UBE2K: variants seen among roughly 807,000 people sequenced by gnomAD.
UBE2K encodes the protein ubiquitin-conjugating enzyme E2 K.
UBE2K carries 6 observed loss-of-function variants against 30.0 expected under a neutral mutation model. The observed-to-expected ratio is 0.20, with a 90% CI of 0.11 to 0.39. UBE2K has a LOEUF of 0.39. UBE2K is among the 10% of genes least tolerant of loss of function. The probability of loss-of-function intolerance (pLI) is 1.00; values close to 1 mark genes in which losing one functional copy is unlikely to be tolerated. For missense variants in UBE2K, 61 were observed against 241.6 expected, an observed-to-expected ratio of 0.25 and a Z score of 4.96; for synonymous variants, 86 against 83.7, an observed-to-expected ratio of 1.03 and a Z score of -0.15.
intron 1 of UBE2K, among the ~76,000 whole-genome samples, chr4:39,719,846 G>C (rs1370950976): frequency 6.6e-6 from 1 of 152,158 alleles, no homozygotes; most frequent in Non-Finnish European, 1.5e-5. Flanking sequence ...TAGACATTCA[G>C]TTATTTCCAG....
At chr4:39,760,195 G>GAAA (rs71194914) in intron 4 of UBE2K, among the ~76,000 whole-genome samples, 2 of 102,602 alleles carry the variant, frequency 1.9e-5, no homozygotes, top group African/African-American at 3.9e-5. Context: ...AAAAAAAACA[G>GAAA]AAAAAAAAAA....
chr4:39,759,842 G>A (rs140646841), intron 4 of UBE2K, among the ~76,000 whole-genome samples: 18 of 152,206 alleles, frequency 1.2e-4, no homozygotes, highest in African/African-American at 4.3e-4. Context: ...ACTACTACAT[G>A]CCTGTAAACA....
intron 2 of UBE2K, among the ~76,000 whole-genome samples, chr4:39,742,028 A>G (rs1167187790): frequency 6.6e-6 from 1 of 152,140 alleles, no homozygotes; most frequent in Non-Finnish European, 1.5e-5. Flanking sequence ...AGCGTGTAAC[A>G]TAAGGGATAG....
At chr4:39,761,958 G>A (rs1016571798) in intron 4 of UBE2K, among the ~76,000 whole-genome samples, 2 of 151,766 alleles carry the variant, frequency 1.3e-5, no homozygotes, top group Non-Finnish European at 2.9e-5. Flanking sequence ...GGTGGATCAC[G>A]AGGTTGGGAG....
intron 1 of UBE2K, among the ~76,000 whole-genome samples, chr4:39,725,104 G>T (rs1014701402): frequency 1.3e-5 from 2 of 152,064 alleles, no homozygotes; most frequent in Non-Finnish European, 2.9e-5. Context: ...TTCGTGGCCA[G>T]GCATGGTGGC....
chr4:39,746,086 G>T (rs2109361184), intron 3 of UBE2K, among the ~76,000 whole-genome samples: 1 of 152,056 alleles, frequency 6.6e-6, no homozygotes, highest in South Asian at 2.1e-4. Context: ...GAAATACGTG[G>T]CAGTGTTCCC....
At chr4:39,768,593 G>A (rs1712512845) in intron 4 of UBE2K, among the ~76,000 whole-genome samples, 1 of 152,072 alleles carries the variant, frequency 6.6e-6, no homozygotes. Context: ...TCTTGCCCAG[G>A]CTGGTCTCAA....
intron 1 of UBE2K, 82 bp downstream of exon 1, chr4:39,698,472 A>G: frequency 3.0e-6 from 4 of 1,352,868 alleles, no homozygotes; most frequent in Non-Finnish European, 4.1e-6. Flanking sequence ...TATCCCCGGT[A>G]GTCCCTGGGT....
chr4:39,743,949 A>G (rs189541078), intron 2 of UBE2K, among the ~76,000 whole-genome samples: 2 of 151,970 alleles, frequency 1.3e-5, no homozygotes, highest in African/African-American at 4.8e-5. Context: ...TGCAATATCC[A>G]CCTCCTGGGT....
At chr4:39,765,410 G>T (rs1282765419) in intron 4 of UBE2K, among the ~76,000 whole-genome samples, 1 of 152,088 alleles carries the variant, frequency 6.6e-6, no homozygotes, top group Non-Finnish European at 1.5e-5. Flanking sequence ...TGTAGTCCCA[G>T]CTACTTGGGA....
At chr4:39,740,348 G>A (rs547534434) in intron 2 of UBE2K, among the ~76,000 whole-genome samples, 1 of 152,024 alleles carries the variant, frequency 6.6e-6, no homozygotes, top group South Asian at 2.1e-4. Context: ...TTTTTAATTG[G>A]ATAATGTATA....
chr4:39,775,745 C>T (rs1713246111), intron 5 of UBE2K, among the ~76,000 whole-genome samples: 1 of 152,142 alleles, frequency 6.6e-6, no homozygotes, highest in South Asian at 2.1e-4. Context: ...GAACGGGACC[C>T]TGTCTCAAAA....
At chr4:39,728,581 T>A (rs1367397391) in intron 1 of UBE2K, among the ~76,000 whole-genome samples, 1 of 148,674 alleles carries the variant, frequency 6.7e-6, no homozygotes, top group Admixed American at 6.6e-5. Flanking sequence ...CCTTTCTTCT[T>A]TCCTTTCTTT....
rs1057008181 is a variant in UBE2K, at chr4:39,713,397, A to G, written c.63+15007A>G. Among the ~76,000 whole-genome samples the G allele has an allele frequency of 4.8e-5, 7 of 144,904 alleles. No homozygotes were observed. In the South Asian group the frequency reaches 8.6e-4, roughly 18 times the overall value. ...GCTGGTCTCTTCCTGACCTCAGGCA[A>G]TCTGCCCATCTCGGCATCCCAAAGT... is the stretch of plus-strand genomic sequence containing the variant. On this transcript the variant is annotated intron_variant, in intron 1 of 6. Coordinates refer to ENST00000261427, the MANE Select transcript of UBE2K (RefSeq NM_005339.5).
At chr4:39,757,481 A>C (rs1191219628) in intron 4 of UBE2K, among the ~76,000 whole-genome samples, 1 of 151,008 alleles carries the variant, frequency 6.6e-6, no homozygotes, top group Non-Finnish European at 1.5e-5. Flanking sequence ...TTTTTTTTCT[A>C]TTCCAGTAGT....
intron 1 of UBE2K, among the ~76,000 whole-genome samples, chr4:39,712,368 A>ATTTTTTT (rs60301036): frequency 1.9e-5 from 1 of 53,620 alleles, no homozygotes; most frequent in African/African-American, 8.1e-5. Context: ...CGCCCGGCCA[A>ATTTTTTT]TTTTTTTTTT....
Position 39,728,821 on chromosome 4 carries a change from T to G in UBE2K, c.64-8599T>G, listed in dbSNP as rs1298479258. Among the ~76,000 whole-genome samples, 5 of 144,126 alleles carry G rather than the reference T, an allele frequency of 3.5e-5. No individual in the cohort carries two copies. In the East Asian group the frequency reaches 6.5e-4, roughly 19 times the overall value. 94.6% of individuals were successfully genotyped at this position (144,126 alleles called of 152,430 possible). A position where few individuals can be genotyped will look rare whatever the true frequency, so the allele number is the denominator to read the frequency against. Reference sequence around the variant, plus strand: ...GCCCGGCTAGTAGGTTTTTTTTGTTTTTTTTGTTTTTTTTTTTTTGTATTT... The same window carrying G: ...GCCCGGCTAGTAGGTTTTTTTTGTTGTTTTTGTTTTTTTTTTTTTGTATTT... On this transcript the variant is annotated intron_variant, in intron 1 of 6. Coordinates refer to ENST00000261427, the MANE Select transcript of UBE2K (RefSeq NM_005339.5).
At chr4:39,775,216 T>C (rs181706468) in intron 5 of UBE2K, among the ~76,000 whole-genome samples, 12 of 152,350 alleles carry the variant, frequency 7.9e-5, no homozygotes, top group Non-Finnish European at 1.5e-4. Flanking sequence ...ATCTAGATTC[T>C]ATGATTAATG....
intron 1 of UBE2K, among the ~76,000 whole-genome samples, chr4:39,716,375 G>T (rs1180241091): frequency 6.6e-6 from 1 of 152,130 alleles, no homozygotes; most frequent in African/African-American, 2.4e-5. Context: ...AGCCTCCCAA[G>T]TAGCTGGCAT....
Sources: gnomAD v4.1 joint callset for allele counts (sites outside exome capture counted in the v4.1 genomes callset) on GRCh38, gnomAD v4.1.1 for gene constraint, MANE v1.5 for transcripts, NCBI Gene and HGNC (gene_info 2026-07-23, HGNC 2026-07-21) for gene names.